The following UNC13C variants were observed in gnomAD, a reference collection of about 807,000 sequenced individuals.
The protein encoded by UNC13C is protein unc-13 homolog C.
UNC13C carries 174 observed loss-of-function variants against 245.4 expected under a neutral mutation model. The observed-to-expected ratio is 0.71, with a 90% confidence interval of 0.63 to 0.80. The LOEUF is 0.80. Among genes scored for constraint, UNC13C ranks in the 30% least tolerant of loss-of-function variants. The pLI is 0.00. For synonymous variants in UNC13C, 992 were observed against 895.1 expected, an observed-to-expected ratio of 1.11 and a Z score of -1.93; for missense variants, 2,829 against 2,602.9, an observed-to-expected ratio of 1.09 and a Z score of -1.89.
chr15:54,408,198 T>TG (rs2040341754), intron 18 of UNC13C, among the ~76,000 whole-genome samples: 1 of 7,404 alleles, frequency 1.4e-4, no homozygotes, highest in South Asian at 3.3e-3. Flanking sequence ...AGACTCTGCC[T>TG]CAAAAAAAAA....
intron 8 of UNC13C, among the ~76,000 whole-genome samples, chr15:54,262,490 A>C (rs1274713356): frequency 6.6e-6 from 1 of 152,202 alleles, no homozygotes; most frequent in African/African-American, 2.4e-5. Context: ...AGTTTCAACT[A>C]TTTACTCCAG....
At chr15:54,061,148 A>G (rs972118073) in intron 2 of UNC13C, among the ~76,000 whole-genome samples, 5 of 151,950 alleles carry the variant, frequency 3.3e-5, no homozygotes, top group African/African-American at 1.2e-4. Flanking sequence ...TCTAAATTTA[A>G]AAAATAAAAA....
chr15:54,033,379 T>A (rs761008571), intron 2 of UNC13C, among the ~76,000 whole-genome samples: 5 of 152,348 alleles, frequency 3.3e-5, no homozygotes, highest in African/African-American at 7.2e-5. Context: ...CTAATTTTTT[T>A]AATTAAATGA....
intron 17 of UNC13C, among the ~76,000 whole-genome samples, chr15:54,379,319 G>A (rs1441394084): frequency 6.6e-6 from 1 of 151,958 alleles, no homozygotes; most frequent in African/African-American, 2.4e-5. Context: ...TGTGTAGTTG[G>A]AAATTCATCA....
At chr15:54,074,390 G>A (rs1038162536) in intron 2 of UNC13C, among the ~76,000 whole-genome samples, 2 of 152,182 alleles carry the variant, frequency 1.3e-5, no homozygotes, top group African/African-American at 4.8e-5. Flanking sequence ...GAAATTTAAA[G>A]TAGTTTTTTC....
At chr15:54,139,130 T>C (rs1301125994) in intron 2 of UNC13C, among the ~76,000 whole-genome samples, 1 of 151,570 alleles carries the variant, frequency 6.6e-6, no homozygotes, top group Non-Finnish European at 1.5e-5. Flanking sequence ...CAGCTAATTT[T>C]TGTATTTTTA....
chr15:53,956,412 C>A, the UNC13C span, among the ~76,000 whole-genome samples: 1 of 151,686 alleles, frequency 6.6e-6, no homozygotes, highest in Non-Finnish European at 1.5e-5. Context: ...ATGCCTCCAC[C>A]GGTGCCAGCT....
chr15:53,935,926 A>G, the UNC13C span, among the ~76,000 whole-genome samples: 5 of 152,130 alleles, frequency 3.3e-5, no homozygotes, highest in African/African-American at 1.2e-4. Context: ...ACAGAAACCT[A>G]GGAGTTGTTA....
the UNC13C span, among the ~76,000 whole-genome samples, chr15:53,928,034 A>G: frequency 1.3e-5 from 2 of 152,194 alleles, no homozygotes; most frequent in Admixed American, 1.3e-4. Flanking sequence ...GGACGTCTAC[A>G]TGTTGAGGAT....
chr15:53,913,278 C>T, the UNC13C span: 1 of 152,184 alleles, frequency 6.6e-6, no homozygotes, highest in Non-Finnish European at 1.5e-5. Flanking sequence ...GGGTAGTTGA[C>T]CAGAGGTGCC....
intron 1 of UNC13C, among the ~76,000 whole-genome samples, chr15:54,001,556 G>T (rs1346212479): frequency 1.3e-5 from 2 of 152,150 alleles, no homozygotes; most frequent in East Asian, 3.9e-4. Context: ...TGGCTGACCT[G>T]CAGTCAGTAA....
chr15:54,151,022 G>A (rs2141250055), intron 4 of UNC13C, among the ~76,000 whole-genome samples: 1 of 152,210 alleles, frequency 6.6e-6, no homozygotes, highest in East Asian at 1.9e-4. Context: ...TTGTAGATTG[G>A]CACCTTTTTG....
chr15:54,133,990 C>G (rs1052648584), intron 2 of UNC13C, among the ~76,000 whole-genome samples: 1 of 151,910 alleles, frequency 6.6e-6, no homozygotes, highest in African/African-American at 2.4e-5. Context: ...TATTCATATA[C>G]ATTGTGAAAT....
chr15:54,323,831 C>T (rs554600873), intron 14 of UNC13C, among the ~76,000 whole-genome samples: 7 of 152,122 alleles, frequency 4.6e-5, no homozygotes, highest in Non-Finnish European at 5.9e-5. Flanking sequence ...TTCTAATATT[C>T]CGTCTGTGTA....
At chr15:53,987,714 A>G (rs1894207347) in intron 1 of UNC13C, among the ~76,000 whole-genome samples, 2 of 152,000 alleles carry the variant, frequency 1.3e-5, no homozygotes, top group Non-Finnish European at 2.9e-5. Flanking sequence ...CTTGGGTTTG[A>G]AACATGCACA....
intron 19 of UNC13C, among the ~76,000 whole-genome samples, chr15:54,463,333 C>T (rs752494187): frequency 9.2e-5 from 13 of 141,156 alleles, no homozygotes; most frequent in African/African-American, 3.4e-4. Flanking sequence ...CAGTAGCAAC[C>T]CACTGGGGTC....
rs563418638 is a variant in UNC13C at position 54,458,825 on chromosome 15, A to G, written c.4934-35783A>G. Among the ~76,000 whole-genome samples the G allele has an allele frequency of 3.3e-5, 5 of 151,488 alleles. No homozygotes were observed. In the South Asian group the frequency reaches 8.4e-4, roughly 25 times the overall value. On this transcript the variant is annotated intron_variant, in intron 19 of 32. Transcript: ENST00000260323. ...GGTGAGTCTCTTAAAGACAGCAGAT[A>G]CTTGATTGGTGGGTTTTTATCCATT...
intron 2 of UNC13C, chr15:54,044,328 A>G (rs1198002195): frequency 4.3e-6 from 1 of 232,980 alleles, no homozygotes; most frequent in East Asian, 1.2e-4. Flanking sequence ...TCATCCCTCT[A>G]TATGCTGATT....
In UNC13C at chr15:54,413,154, T is replaced by C. The variant is rs368875954; in HGVS notation, c.4848-1828T>C. ...CATAATGTATTGTTCATTTTATATA[T>C]TGTGAGATTAAATTTGGTATTTTTT... On this transcript the variant is annotated intron_variant, in intron 18 of 32. Transcript: ENST00000260323. Among the ~76,000 whole-genome samples the C allele has an allele frequency of 3.3e-5, 5 of 152,210 alleles. No homozygotes were observed. The East Asian group carries it at 7.7e-4, about 24-fold the overall frequency.
Sources: allele counts gnomAD v4.1 joint callset (sites outside exome capture counted in the v4.1 genomes callset), GRCh38; gene constraint gnomAD v4.1.1; transcripts MANE v1.5; gene names NCBI Gene and HGNC (gene_info 2026-07-23, HGNC 2026-07-21).